The following PDZRN4 variants were observed in gnomAD, a reference collection of about 807,000 sequenced individuals.
PDZRN4 encodes the protein PDZ domain-containing RING finger protein 4.
Under a neutral mutation model 99.0 loss-of-function variants are expected in PDZRN4, and 70 were observed. That is an observed-to-expected ratio of 0.71 (90% CI 0.58 to 0.86). The LOEUF is 0.86. PDZRN4 is among the 40% of genes least tolerant of loss of function. PDZRN4 has a pLI of 0.00. For missense variants in PDZRN4, 1,474 were observed against 1,331.2 expected (o/e 1.11, Z -1.67); for synonymous variants, 551 against 501.6 (o/e 1.10, Z -1.32).
chr12:41,204,408 G>A (rs568882765), intron 3 of PDZRN4, among the ~76,000 whole-genome samples: 2 of 152,096 alleles, frequency 1.3e-5, no homozygotes, highest in East Asian at 1.9e-4. Flanking sequence ...TCTACTGCAG[G>A]CTTGTTAGAA....
Position 41,329,395 on chromosome 12 carries a change from C to T in PDZRN4, c.843+135207C>T, listed in dbSNP as rs186755455. 2.3e-3 allele frequency among the ~76,000 whole-genome samples: 355 copies of T among 152,186 alleles called. 3 individuals carry two copies. The highest frequency in any genetic ancestry group is 9.6e-4 in the Non-Finnish European group (65 of 67,982). ...TGCACTATGTTTTCTCCATGTTATG[C>T]TTTTGAAAAGGAAAGTTCATCAAAG... On this transcript the variant is annotated intron_variant, in intron 3 of 9. Transcript: ENST00000402685.
At chr12:41,254,388 G>A (rs1028698439) in intron 3 of PDZRN4, among the ~76,000 whole-genome samples, 2 of 152,140 alleles carry the variant, frequency 1.3e-5, no homozygotes, top group Non-Finnish European at 2.9e-5. Flanking sequence ...TGGCTAATAG[G>A]TGGCAGGGCT....
intron 3 of PDZRN4, among the ~76,000 whole-genome samples, chr12:41,195,667 T>C (rs1405819306): frequency 1.1e-4 from 17 of 152,216 alleles, no homozygotes; most frequent in African/African-American, 4.1e-4. Context: ...ATTCTTCCAG[T>C]TTTGTTGCCG....
intron 3 of PDZRN4, among the ~76,000 whole-genome samples, chr12:41,420,353 C>G (rs1321410012): frequency 6.6e-6 from 1 of 152,132 alleles, no homozygotes; most frequent in East Asian, 1.9e-4. Context: ...ACAAGCAAAC[C>G]AATCCTTCCT....
intron 3 of PDZRN4, among the ~76,000 whole-genome samples, chr12:41,341,935 C>T (rs1951821299): frequency 6.6e-6 from 1 of 151,920 alleles, no homozygotes; most frequent in Non-Finnish European, 1.5e-5. Flanking sequence ...TATCACACTA[C>T]TTGACTCCAA....
At chr12:41,232,079 C>T (rs1274451842) in intron 3 of PDZRN4, among the ~76,000 whole-genome samples, 1 of 133,218 alleles carries the variant, frequency 7.5e-6, no homozygotes. Flanking sequence ...TCTAAGAGGC[C>T]AGTTTTAGAA....
intron 3 of PDZRN4, among the ~76,000 whole-genome samples, chr12:41,227,876 TACACAC>T (rs138441771): frequency 0.19 from 18,126 of 93,958 alleles, 1,191 homozygotes; most frequent in Middle Eastern, 0.27. Flanking sequence ...AGCAAAAATC[TACACAC>T]ACACACACAC....
chr12:41,284,321 C>T lies in PDZRN4; in HGVS notation c.843+90133C>T, dbSNP rs543673803. ...ACTTACAAGGGATGTGAAGGACCTC[C>T]TCAAGAACTACAAACCACTGCTTAA... On this transcript the variant is annotated intron_variant, in intron 3 of 9. Transcript: ENST00000402685. Among the ~76,000 whole-genome samples the T allele has an allele frequency of 2.4e-4, 36 of 151,480 alleles. 1 individual carries two copies. Among genetic ancestry groups the T allele is most frequent in the Non-Finnish European group, 4.3e-4 (29 of 67,580 alleles).
chr12:41,293,843 G>C (rs1377376699), intron 3 of PDZRN4, among the ~76,000 whole-genome samples: 2 of 152,148 alleles, frequency 1.3e-5, no homozygotes, highest in East Asian at 3.9e-4. Context: ...CATGGAGAAT[G>C]ATACAGTACT....
chr12:41,485,535 C>T (rs938962215), intron 3 of PDZRN4, among the ~76,000 whole-genome samples: 2 of 152,110 alleles, frequency 1.3e-5, no homozygotes, highest in Non-Finnish European at 1.5e-5. Context: ...CTCTCTTCCT[C>T]TCTCTTTTTC....
chr12:41,237,512 C>T (rs1046882192), intron 3 of PDZRN4, among the ~76,000 whole-genome samples: 1 of 151,838 alleles, frequency 6.6e-6, no homozygotes, highest in Non-Finnish European at 1.5e-5. Context: ...TAATTTAATA[C>T]TTTAACATTT....
intron 3 of PDZRN4, among the ~76,000 whole-genome samples, chr12:41,503,042 T>C (rs924567251): frequency 3.5e-4 from 53 of 152,268 alleles, no homozygotes; most frequent in African/African-American, 1.2e-3. Context: ...GCTCTTCTTT[T>C]CTTTTCTTGG....
At chr12:41,525,500 T>C (rs1023257927) in intron 5 of PDZRN4, among the ~76,000 whole-genome samples, 4 of 152,176 alleles carry the variant, frequency 2.6e-5, no homozygotes, top group African/African-American at 9.7e-5. Flanking sequence ...TATGTAAATA[T>C]ATATGTATGT....
intron 3 of PDZRN4, among the ~76,000 whole-genome samples, chr12:41,314,182 T>G (rs1250933450): frequency 6.6e-6 from 1 of 152,198 alleles, no homozygotes; most frequent in Non-Finnish European, 1.5e-5. Context: ...TAATTGTGTT[T>G]TCTCAATACC....
At chr12:41,515,337 G>T (rs976814398) in intron 5 of PDZRN4, among the ~76,000 whole-genome samples, 2 of 151,980 alleles carry the variant, frequency 1.3e-5, no homozygotes, top group African/African-American at 4.8e-5. Context: ...CTTCCACTTA[G>T]TCCCTTTTCT....
intron 3 of PDZRN4, among the ~76,000 whole-genome samples, chr12:41,428,636 A>G (rs565780525): frequency 4.4e-4 from 67 of 152,250 alleles, no homozygotes; most frequent in Non-Finnish European, 8.4e-4. Context: ...GCAAGTGTAT[A>G]TGTATGTGTG....
rs755933509 is a variant in PDZRN4 at position 41,322,732 on chromosome 12, G to A, written c.843+128544G>A. On this transcript the variant is annotated intron_variant, in intron 3 of 9. Transcript: ENST00000402685. Reference sequence around the variant, plus strand: ...AGGATGGTCTCGATATCCTGACCTCGTGATCCTCCCGCCTTGGCCTCCCAA... The same window carrying A: ...AGGATGGTCTCGATATCCTGACCTCATGATCCTCCCGCCTTGGCCTCCCAA... Among the ~76,000 whole-genome samples, 266 of 151,912 alleles carry A rather than the reference G, an allele frequency of 1.8e-3. 2 individuals carry two copies. Among genetic ancestry groups the A allele is most frequent in the East Asian group, 7.8e-4 (4 of 5,142 alleles).
At chr12:41,482,888 G>GTTAGCTTCCCC (rs1488161795) in intron 3 of PDZRN4, among the ~76,000 whole-genome samples, 1 of 151,970 alleles carries the variant, frequency 6.6e-6, no homozygotes, top group East Asian at 1.9e-4. Context: ...GGGAAGCAGG[G>GTTAGCTTCCCC]CATCCATCAG....
intron 3 of PDZRN4, among the ~76,000 whole-genome samples, chr12:41,265,185 A>G (rs1951268130): frequency 6.6e-6 from 1 of 150,822 alleles, no homozygotes; most frequent in East Asian, 2.0e-4. Context: ...TTAAAAATTT[A>G]GAGATCTACA....
Sources: allele counts gnomAD v4.1 joint callset (sites outside exome capture counted in the v4.1 genomes callset), GRCh38; gene constraint gnomAD v4.1.1; transcripts MANE v1.5; gene names NCBI Gene and HGNC (gene_info 2026-07-23, HGNC 2026-07-21).